Variants in KAT6A observed in about 807,000 individuals in gnomAD.
KAT6A encodes lysine acetyltransferase 6A.
In KAT6A, 9 loss-of-function variants were observed where a neutral mutation model predicts 198.4. The observed-to-expected ratio is 0.05, with a 90% CI of 0.03 to 0.08. KAT6A has a LOEUF of 0.08. KAT6A is among the 10% of genes least tolerant of loss of function. The probability of loss-of-function intolerance (pLI) is 1.00; values close to 1 mark genes in which losing one functional copy is unlikely to be tolerated. For synonymous variants in KAT6A, 890 were observed against 883.0 expected, an observed-to-expected ratio of 1.01 and a Z score of -0.14; for missense variants, 2,077 against 2,509.9, an observed-to-expected ratio of 0.83 and a Z score of 3.69.
intron 2 of KAT6A, among the ~76,000 whole-genome samples, chr8:42,046,501 A>G (rs914774057): frequency 1.4e-4 from 22 of 152,352 alleles, no homozygotes; most frequent in African/African-American, 4.8e-4. Flanking sequence ...ACTGCACTCC[A>G]GCCTGGGTGA....
intron 2 of KAT6A, among the ~76,000 whole-genome samples, chr8:42,016,739 C>T (rs992031875): frequency 6.6e-6 from 1 of 152,048 alleles, no homozygotes; most frequent in Non-Finnish European, 1.5e-5. Flanking sequence ...AATTTTTCTC[C>T]AAGGGTAGCA....
chr8:41,937,261 G>T lies in KAT6A; in HGVS notation c.3347C>A (p.Ala1116Asp). ...DEEEDEESDD[A>D]DDTPILKPVS... ...GTGAGTTCTGTAAAACATACCATCA[G>T]CATCATCTGACTCTTCATCTTCTTC... is the stretch of plus-strand genomic sequence containing the variant. The change falls in exon 16 of 17, where the codon GCT becomes GAT. Residue 1116 changes from alanine (A) to aspartate (D), a missense_variant. Ala to Asp is a moderately radical substitution (Grantham distance 126, BLOSUM62 -2). This residue lies in a region of KAT6A where 375 missense variants were observed against 383.0 expected (regional missense o/e 0.98). Coordinates refer to ENST00000265713, the MANE Select transcript of KAT6A (RefSeq NM_006766.5). 1 of 1,611,524 alleles carries T rather than the reference G, an allele frequency of 6.2e-7. No individual in the cohort carries two copies. The highest frequency in any genetic ancestry group is 8.5e-7 in the Non-Finnish European group (1 of 1,178,186).
chr8:42,042,440 T>C (rs986274832), intron 2 of KAT6A, among the ~76,000 whole-genome samples: 4 of 148,418 alleles, frequency 2.7e-5, no homozygotes, highest in African/African-American at 9.9e-5. Flanking sequence ...AGACTCCATC[T>C]CTCAAAAAAA....
chr8:42,035,001 T>C (rs950907063), intron 2 of KAT6A, among the ~76,000 whole-genome samples: 6 of 152,216 alleles, frequency 3.9e-5, no homozygotes, highest in African/African-American at 1.4e-4. Flanking sequence ...CTTAGTAAGA[T>C]CATTTTGGCA....
At chr8:41,981,269 G>A (rs539892585) in intron 4 of KAT6A, among the ~76,000 whole-genome samples, 1 of 152,286 alleles carries the variant, frequency 6.6e-6, no homozygotes, top group South Asian at 2.1e-4. Flanking sequence ...AGTGAGCCAA[G>A]ATCGTGCCAC....
In KAT6A at chr8:41,946,631, T is replaced by C. The variant is rs781216178; in HGVS notation, c.1956A>G (p.Gln652=). 9 of 1,607,180 alleles carry C rather than the reference T, an allele frequency of 5.6e-6. No individual in the cohort carries two copies. Among genetic ancestry groups the C allele is most frequent in the Non-Finnish European group, 7.7e-6 (9 of 1,174,098 alleles). Residue 652 remains glutamine (Q), a synonymous_variant, in exon 12 of 17, where the codon CAA becomes CAG. Coordinates refer to ENST00000265713, the MANE Select transcript of KAT6A (RefSeq NM_006766.5). The part of the protein sequence containing the change: ...YNVSCIMILP[Q]YQRKGYGRFL... The stretch of plus-strand genomic sequence containing the variant: ...ACCTGCCATAGCCCTTACGCTGGTA[T>C]TGAGGAAGAATCATTATACAGGAAA...
At chr8:42,018,190 A>C (rs1284251036) in intron 2 of KAT6A, among the ~76,000 whole-genome samples, 1 of 152,258 alleles carries the variant, frequency 6.6e-6, no homozygotes, top group Non-Finnish European at 1.5e-5. Context: ...GTTTAACTAC[A>C]GAGCTACAAA....
chr8:42,010,557 TCTCTTC>T (rs1825975781), intron 2 of KAT6A, among the ~76,000 whole-genome samples: 1 of 152,046 alleles, frequency 6.6e-6, no homozygotes, highest in Non-Finnish European at 1.5e-5. Flanking sequence ...CGTAGGCAAG[TCTCTTC>T]ACGATTCCAA....
At chr8:41,946,740 A>G in intron 11 of KAT6A, 56 bp from the exon 12 acceptor site, 1 of 1,031,436 alleles carries the variant, frequency 9.7e-7, no homozygotes. Flanking sequence ...GTGAATAATA[A>G]CGTGAATTAA....
chr8:42,032,353 A>ATGTG (rs1827173843), intron 2 of KAT6A, among the ~76,000 whole-genome samples: 1 of 152,210 alleles, frequency 6.6e-6, no homozygotes. Context: ...TGTTATATCA[A>ATGTG]AAAATATATG....
At chr8:42,019,061 T>C (rs974534532) in intron 2 of KAT6A, among the ~76,000 whole-genome samples, 14 of 152,214 alleles carry the variant, frequency 9.2e-5, no homozygotes, top group African/African-American at 3.1e-4. Context: ...TGTTAGAGAA[T>C]AAATTCTCCA....
At chr8:42,031,183 T>C (rs1398069516) in intron 2 of KAT6A, among the ~76,000 whole-genome samples, 2 of 152,164 alleles carry the variant, frequency 1.3e-5, no homozygotes, top group African/African-American at 4.8e-5. Context: ...CTTAGAATAA[T>C]ACTTTTCACA....
intron 2 of KAT6A, among the ~76,000 whole-genome samples, chr8:42,001,005 G>A (rs1332954477): frequency 6.6e-6 from 1 of 152,112 alleles, no homozygotes; most frequent in East Asian, 1.9e-4. Flanking sequence ...CGTGAGGGAG[G>A]GAGAGGAAGG....
At chr8:41,945,978 C>T (rs182155712) in intron 12 of KAT6A, among the ~76,000 whole-genome samples, 4 of 150,172 alleles carry the variant, frequency 2.7e-5, no homozygotes, top group Admixed American at 2.0e-4. Context: ...TGCAGTGAGC[C>T]GAGATCACGC....
intron 2 of KAT6A, among the ~76,000 whole-genome samples, chr8:42,048,011 A>G (rs888450079): frequency 2.6e-5 from 4 of 152,006 alleles, no homozygotes; most frequent in African/African-American, 9.7e-5. Flanking sequence ...AACTTCCAGT[A>G]GTAAGGTGTT....
At chr8:41,993,040 C>T (rs1054221883) in intron 2 of KAT6A, among the ~76,000 whole-genome samples, 4 of 152,080 alleles carry the variant, frequency 2.6e-5, no homozygotes, top group African/African-American at 9.7e-5. Flanking sequence ...ACTAAGAAAC[C>T]GCTAGCAAAA....
intron 2 of KAT6A, among the ~76,000 whole-genome samples, chr8:41,993,026 C>T (rs776561255): frequency 3.3e-5 from 5 of 152,104 alleles, no homozygotes; most frequent in African/African-American, 7.2e-5. Flanking sequence ...TATTCAAAAT[C>T]ATAACTAAGA....
chr8:41,934,835 G>T lies in KAT6A; in HGVS notation c.3385C>A (p.Arg1129=). 1 of 1,611,798 alleles carries T rather than the reference G, an allele frequency of 6.2e-7. No individual in the cohort carries two copies. Among genetic ancestry groups the T allele is most frequent in the Non-Finnish European group, 8.5e-7 (1 of 1,179,424 alleles). Reference sequence around the variant, plus strand: ...GGAGAATTCTTCACATCACGTTTTCGCAAAAGAGATACTGGCTTTAAGATA... The same window carrying T: ...GGAGAATTCTTCACATCACGTTTTCTCAAAAGAGATACTGGCTTTAAGATA... ...TPILKPVSLL[R]KRDVKNSPLE... Residue 1129 remains arginine (R), a synonymous_variant, in exon 17 of 17, where the codon CGA becomes AGA. Transcript: ENST00000265713.
At chr8:41,951,194 G>T in intron 9 of KAT6A, among the ~76,000 whole-genome samples, 1 of 150,756 alleles carries the variant, frequency 6.6e-6, no homozygotes, top group African/African-American at 2.4e-5. Flanking sequence ...CAAAACTTTA[G>T]TGAACCTTAT....
Sources: gnomAD v4.1 joint callset for allele counts (sites outside exome capture counted in the v4.1 genomes callset) on GRCh38, gnomAD v4.1.1 for gene constraint, gnomAD v4.1.1 regional missense constraint, MANE v1.5 for transcripts, NCBI Gene and HGNC (gene_info 2026-07-23, HGNC 2026-07-21) for gene names.